PTGER3: variants seen among roughly 807,000 people sequenced by gnomAD.
The protein encoded by PTGER3 is prostaglandin E receptor 3, also known as prostaglandin E2 receptor EP3 subtype.
In PTGER3, 22 loss-of-function variants were observed where a neutral mutation model predicts 34.7. That is an observed-to-expected ratio of 0.63 (90% CI 0.45 to 0.91). PTGER3 has a LOEUF of 0.91. Among genes scored for constraint, PTGER3 ranks in the 40% least tolerant of loss-of-function variants. The pLI is 0.00. For missense variants in PTGER3, 468 were observed against 519.4 expected (o/e 0.90, Z 0.96); for synonymous variants, 241 against 230.1 (o/e 1.05, Z -0.43).
At chr1:70,997,618 G>A (rs957711700) in intron 2 of PTGER3, among the ~76,000 whole-genome samples, 4 of 152,066 alleles carry the variant, frequency 2.6e-5, no homozygotes, top group African/African-American at 9.7e-5. Context: ...AAACATTTTT[G>A]CTGTTTTATG....
chr1:70,857,638 C>T (rs1645838120), intron 4 of PTGER3, among the ~76,000 whole-genome samples: 1 of 152,060 alleles, frequency 6.6e-6, no homozygotes, highest in Admixed American at 6.5e-5. Context: ...CAGCTTCACG[C>T]CATTCTCCTG....
At chr1:70,985,367 A>C (rs1654817201) in intron 2 of PTGER3, among the ~76,000 whole-genome samples, 1 of 152,154 alleles carries the variant, frequency 6.6e-6, no homozygotes, top group South Asian at 2.1e-4. Context: ...GGAAAGCTGA[A>C]CACCATAGAG....
intron 4 of PTGER3, among the ~76,000 whole-genome samples, chr1:70,861,149 ACG>A (rs1645918440): frequency 1.3e-5 from 2 of 152,148 alleles, no homozygotes; most frequent in Admixed American, 6.6e-5. Flanking sequence ...CAAAGGGATA[ACG>A]TATTATAAAG....
chr1:71,003,411 C>T (rs926926526), intron 2 of PTGER3, among the ~76,000 whole-genome samples: 35 of 152,126 alleles, frequency 2.3e-4, no homozygotes, highest in Non-Finnish European at 1.0e-4. Context: ...GGGTAGATGA[C>T]ATTTTTATTG....
At chr1:71,010,788 G>A in intron 2 of PTGER3, 1 of 985,090 alleles carries the variant, frequency 1.0e-6, no homozygotes, top group Non-Finnish European at 1.2e-6. Context: ...AATTCAATTT[G>A]ACATGGTCAT....
chr1:71,019,566 GTT>G (rs1658216335), intron 1 of PTGER3, among the ~76,000 whole-genome samples: 1 of 152,120 alleles, frequency 6.6e-6, no homozygotes, highest in Non-Finnish European at 1.5e-5. Flanking sequence ...CAATTACCTT[GTT>G]CCATCCTAAA....
intron 4 of PTGER3, among the ~76,000 whole-genome samples, chr1:70,910,803 G>T (rs1180471322): frequency 6.6e-6 from 1 of 152,078 alleles, no homozygotes; most frequent in Non-Finnish European, 1.5e-5. Context: ...TAATTAACCG[G>T]CCGGGGCCAT....
intron 4 of PTGER3, among the ~76,000 whole-genome samples, chr1:70,881,653 A>G (rs1646392992): frequency 6.6e-6 from 1 of 152,056 alleles, no homozygotes; most frequent in African/African-American, 2.4e-5. Flanking sequence ...CAGTGGGATT[A>G]GACAACTGGC....
chr1:70,903,245 C>T (rs1646878314), intron 4 of PTGER3, among the ~76,000 whole-genome samples: 1 of 152,170 alleles, frequency 6.6e-6, no homozygotes, highest in South Asian at 2.1e-4. Flanking sequence ...GTGACCCCCA[C>T]TGTCACCTTA....
At chr1:70,990,382 C>CAT (rs1354808003) in intron 2 of PTGER3, among the ~76,000 whole-genome samples, 13 of 107,414 alleles carry the variant, frequency 1.2e-4, no homozygotes, top group South Asian at 6.7e-4. Context: ...CACACACACA[C>CAT]ACACATATAT....
chr1:70,882,994 T>C (rs538650384), intron 4 of PTGER3, among the ~76,000 whole-genome samples: 1 of 152,306 alleles, frequency 6.6e-6, no homozygotes, highest in Non-Finnish European at 1.5e-5. Context: ...AATCTCTTTT[T>C]CTTTGAGCTG....
intron 4 of PTGER3, among the ~76,000 whole-genome samples, chr1:70,861,339 A>G (rs1026112512): frequency 6.6e-6 from 1 of 152,194 alleles, no homozygotes; most frequent in Non-Finnish European, 1.5e-5. Flanking sequence ...ATACATTTCT[A>G]ACTTTCTAGT....
chr1:70,956,862 G>A (rs1651394856), intron 2 of PTGER3, among the ~76,000 whole-genome samples: 1 of 152,128 alleles, frequency 6.6e-6, no homozygotes, highest in Non-Finnish European at 1.5e-5. Context: ...AGGTGAGGTG[G>A]CCCATGCCTG....
In PTGER3 at chr1:71,006,676, T is replaced by C. The variant is rs1035656466; in HGVS notation, c.1077+5629A>G. ...ATATTAAATCAACAATAATTTGTTA[T>C]GCACATGATTATGGAATATAAAACA... On this transcript the variant is annotated intron_variant, in intron 2 of 3. Transcript: ENST00000306666. 3 of 984,054 alleles carry C rather than the reference T, an allele frequency of 3.0e-6. No individual in the cohort carries two copies. The African/African-American group carries it at 5.2e-5, about 17-fold the overall frequency. 61.0% of individuals were successfully genotyped at this position (984,054 alleles called of 1,614,324 possible). A position where few individuals can be genotyped will look rare whatever the true frequency, so the allele number is the denominator to read the frequency against.
Position 71,046,625 on chromosome 1 carries a change from G to C in PTGER3, c.897+56C>G, listed in dbSNP as rs1193667684. On this transcript the variant is annotated intron_variant, in intron 1 of 3. Transcript: ENST00000306666. ...GGTGCTGCCACTTAGCAAAGTCTTAGGTTCCCGCTTACTCGCACACGCATC... is the reference window on the plus strand; with the variant it reads ...GGTGCTGCCACTTAGCAAAGTCTTACGTTCCCGCTTACTCGCACACGCATC... 3.3e-6 allele frequency: 5 copies of C among 1,498,282 alleles called. No individual in the cohort carries two copies. The Admixed American group carries it at 1.1e-4, about 34-fold the overall frequency. The allele number at this position is 1,498,282 out of a possible 1,614,324, so 92.8% of individuals were successfully genotyped here. A position where few individuals can be genotyped will look rare whatever the true frequency, so the allele number is the denominator to read the frequency against.
At chr1:70,976,078 G>A (rs1297231011) in intron 2 of PTGER3, among the ~76,000 whole-genome samples, 1 of 151,670 alleles carries the variant, frequency 6.6e-6, no homozygotes, top group Admixed American at 6.6e-5. Context: ...TAGGAATTTC[G>A]ATATCACATA....
intron 4 of PTGER3, among the ~76,000 whole-genome samples, chr1:70,904,228 T>G (rs1286984858): frequency 1.3e-5 from 2 of 152,182 alleles, no homozygotes; most frequent in Admixed American, 1.3e-4. Context: ...ACCAATTAAA[T>G]CTCTTTATTT....
In PTGER3 at chr1:70,928,615, A is replaced by G. The variant is rs542830238; in HGVS notation, c.*23+25148T>C. ...GCCACTACACTTTAGCCTGGGTGACAGAATGAAACCCCGTCTGAAAACAAA... is the reference window on the plus strand; with the variant it reads ...GCCACTACACTTTAGCCTGGGTGACGGAATGAAACCCCGTCTGAAAACAAA... On this transcript the variant is annotated intron_variant, in intron 4 of 4. Transcript: ENST00000370931. 2.6e-5 allele frequency among the ~76,000 whole-genome samples: 4 copies of G among 152,258 alleles called. No homozygotes were observed. The East Asian group carries it at 7.7e-4, about 29-fold the overall frequency.
intron 2 of PTGER3, among the ~76,000 whole-genome samples, chr1:70,978,889 AG>A (rs1190984846): frequency 6.6e-6 from 1 of 152,114 alleles, no homozygotes; most frequent in African/African-American, 2.4e-5. Flanking sequence ...GAGGATATGA[AG>A]CCACTTTCTT....
Sources: allele counts gnomAD v4.1 joint callset (sites outside exome capture counted in the v4.1 genomes callset), GRCh38; gene constraint gnomAD v4.1.1; transcripts MANE v1.5; gene names NCBI Gene and HGNC (gene_info 2026-07-23, HGNC 2026-07-21).